The following ADH5 variants were observed in gnomAD, a reference collection of about 807,000 sequenced individuals.
ADH5 encodes the protein alcohol dehydrogenase 5 (class III), chi polypeptide.
In ADH5, 32 loss-of-function variants were observed where a neutral mutation model predicts 40.3. The observed-to-expected ratio is 0.79, with a 90% CI of 0.60 to 1.07. The LOEUF (loss-of-function observed/expected upper bound fraction) is 1.07, where lower values mean the gene tolerates loss of function less well. Among genes scored for constraint, ADH5 ranks in the 50% least tolerant of loss-of-function variants. The probability of loss-of-function intolerance (pLI) is 0.00; values close to 1 mark genes in which losing one functional copy is unlikely to be tolerated. For synonymous variants in ADH5, 125 were observed against 154.3 expected, an observed-to-expected ratio of 0.81 and a Z score of 1.41; for missense variants, 353 against 460.5, an observed-to-expected ratio of 0.77 and a Z score of 2.14.
chr4:99,073,916 G>C (rs1387935619), intron 7 of ADH5, among the ~76,000 whole-genome samples: 1 of 152,156 alleles, frequency 6.6e-6, no homozygotes, highest in Non-Finnish European at 1.5e-5. Flanking sequence ...CCCCCGAATA[G>C]CATACATGGC....
intron 6 of ADH5, chr4:99,075,943 A>C (rs1199325517): frequency 5.1e-6 from 1 of 196,002 alleles, no homozygotes; most frequent in African/African-American, 2.4e-5. Context: ...ACAGATGAGG[A>C]AACTGAGGTT....
Position 99,076,571 on chromosome 4 carries a change from T to C in ADH5, c.565-19A>G, listed in dbSNP as rs369064154. The C allele has an allele frequency of 2.2e-5, 36 of 1,608,708 alleles. No individual in the cohort carries two copies. Among genetic ancestry groups the C allele is most frequent in the Non-Finnish European group, 2.7e-5 (32 of 1,177,592 alleles). On this transcript the variant is annotated intron_variant, in intron 5 of 8. Transcript: ENST00000296412. ...GCTCCAACTAGGAGTAAAGAAAGTT[T>C]ATAAAGTACTCATTCTACCAGAGTC...
chr4:99,073,791 T>G (rs1293271028), intron 7 of ADH5, among the ~76,000 whole-genome samples: 1 of 152,200 alleles, frequency 6.6e-6, no homozygotes, highest in Admixed American at 6.5e-5. Flanking sequence ...TACAATGAAT[T>G]TCCCAACCAG....
Position 99,076,888 on chromosome 4 carries a change from G to A in ADH5, c.380C>T (p.Thr127Ile), listed in dbSNP as rs762798395. The change falls in exon 5 of 9, where the codon ACC (threonine) becomes ATC (isoleucine). Residue 127 changes from threonine (T) to isoleucine (I), a missense_variant. Physicochemically the swap from Thr to Ile is moderately conservative, Grantham distance 89. Coordinates refer to ENST00000296412, the MANE Select transcript of ADH5 (RefSeq NM_000671.4). ...TQGKGLMPDG[T>I]SRFTCKGKTI... ...CTTTCCTTTGCAAGTAAATCTGCTG[G>A]TACCATCTGGCATTAATCCTTTCCC... The A allele has an allele frequency of 1.9e-6, 3 of 1,613,548 alleles. No individual in the cohort carries two copies. Among genetic ancestry groups the A allele is most frequent in the Admixed American group, 3.3e-5 (2 of 59,976 alleles).
Position 99,072,557 on chromosome 4 carries a change from T to C in ADH5, c.1100+16A>G. Reference sequence around the variant, plus strand: ...CATCATTATTACATTCTATGATATATAAAGAGAAAGCCTACCTCTTTCCAG... The same window carrying C: ...CATCATTATTACATTCTATGATATACAAAGAGAAAGCCTACCTCTTTCCAG... On this transcript the variant is annotated intron_variant, in intron 8 of 8. Coordinates refer to ENST00000296412, the MANE Select transcript of ADH5 (RefSeq NM_000671.4). 6.2e-7 allele frequency: 1 copy of C among 1,609,564 alleles called. No individual in the cohort carries two copies. The highest frequency in any genetic ancestry group is 8.5e-7 in the Non-Finnish European group (1 of 1,178,338).
intron 7 of ADH5, among the ~76,000 whole-genome samples, chr4:99,073,854 C>T (rs542476406): frequency 1.1e-4 from 17 of 152,348 alleles, no homozygotes; most frequent in Admixed American, 3.3e-4. Flanking sequence ...TCCCCTGGAT[C>T]AGCCAGGCTT....
At chr4:99,078,467 C>T (rs1037380740) in intron 4 of ADH5, among the ~76,000 whole-genome samples, 1 of 152,112 alleles carries the variant, frequency 6.6e-6, no homozygotes, top group African/African-American at 2.4e-5. Flanking sequence ...TGCAGTGGCA[C>T]ATCATGGCTC....
chr4:99,087,637 G>A (rs576512465), intron 1 of ADH5, among the ~76,000 whole-genome samples: 130 of 152,174 alleles, frequency 8.5e-4, no homozygotes, highest in Non-Finnish European at 1.5e-3. Context: ...TTGATGGCCT[G>A]CTCCCCTTTA....
chr4:99,072,490 A>G, intron 8 of ADH5, 49 bp from the exon 9 acceptor site: 1 of 1,610,362 alleles, frequency 6.2e-7, no homozygotes, highest in South Asian at 1.1e-5. Flanking sequence ...CTTTAAGACA[A>G]CTAAAATTGT....
At chr4:99,085,329 C>A in intron 1 of ADH5, 113 bp from the exon 2 acceptor site, 1 of 448,764 alleles carries the variant, frequency 2.2e-6, no homozygotes. Flanking sequence ...CACAGATTCA[C>A]AAAGAAACAT....
intron 4 of ADH5, among the ~76,000 whole-genome samples, chr4:99,080,940 A>T (rs532705133): frequency 2.7e-4 from 41 of 152,362 alleles, no homozygotes; most frequent in African/African-American, 9.9e-4. Flanking sequence ...AAAGAGCTGG[A>T]GTCCTTTAAA....
chr4:99,078,168 T>G (rs1727963333), intron 4 of ADH5, among the ~76,000 whole-genome samples: 1 of 152,158 alleles, frequency 6.6e-6, no homozygotes, highest in Admixed American at 6.6e-5. Flanking sequence ...CAAGTGATCC[T>G]CCTGCATCTC....
intron 7 of ADH5, among the ~76,000 whole-genome samples, chr4:99,074,032 G>A (rs113660534): frequency 8.0e-4 from 122 of 152,290 alleles, no homozygotes; most frequent in African/African-American, 2.8e-3. Flanking sequence ...TAGTTATAAA[G>A]AACGAAGATT....
chr4:99,075,225 GTTTT>G (rs57354357), intron 6 of ADH5, 176 bp from the exon 7 acceptor site: 9 of 316,712 alleles, frequency 2.8e-5, no homozygotes, highest in Non-Finnish European at 3.7e-5. Context: ...TTTTTTTGTT[GTTTT>G]TTTTTTTTTT....
At chr4:99,086,465 G>A (rs1049651103) in intron 1 of ADH5, among the ~76,000 whole-genome samples, 4 of 152,162 alleles carry the variant, frequency 2.6e-5, no homozygotes, top group Non-Finnish European at 5.9e-5. Context: ...ATTACAAAGA[G>A]TGTGATTTAA....
intron 1 of ADH5, among the ~76,000 whole-genome samples, chr4:99,086,295 G>C (rs1215547841): frequency 2.6e-5 from 4 of 151,546 alleles, no homozygotes. Flanking sequence ...ATAGCACACA[G>C]ACCTGCTTTA....
At position 99,077,018 on chromosome 4, in the gene ADH5, T is replaced by C. The variant is rs183482304; in HGVS notation, c.345-95A>G. 322 of 896,226 alleles carry C rather than the reference T, an allele frequency of 3.6e-4. 2 individuals are homozygous for C. The African/African-American group carries it at 5.1e-3, about 14-fold the overall frequency. 55.5% of individuals were successfully genotyped at this position (896,226 alleles called of 1,614,324 possible). A position where few individuals can be genotyped will look rare whatever the true frequency, so the allele number is the denominator to read the frequency against. On this transcript the variant is annotated intron_variant, in intron 4 of 8. Transcript: ENST00000296412. ...TTTAAAAATAATGACCAGTAAATAT[T>C]AAGAAAGTGTTGTAAACTACAATTT... is the stretch of plus-strand genomic sequence containing the variant.
chr4:99,086,754 C>A (rs1728141799), intron 1 of ADH5, among the ~76,000 whole-genome samples: 1 of 150,454 alleles, frequency 6.6e-6, no homozygotes, highest in Non-Finnish European at 1.5e-5. Context: ...ACCATCCTGG[C>A]TAGGTGAAAC....
chr4:99,079,469 T>C (rs190942240), intron 4 of ADH5, among the ~76,000 whole-genome samples: 2 of 151,896 alleles, frequency 1.3e-5, no homozygotes, highest in African/African-American at 4.8e-5. Flanking sequence ...AAGAGGGAGG[T>C]AGGTTCTGAC....
Sources: gnomAD v4.1 joint callset for allele counts (sites outside exome capture counted in the v4.1 genomes callset) on GRCh38, gnomAD v4.1.1 for gene constraint, MANE v1.5 for transcripts, NCBI Gene and HGNC (gene_info 2026-07-23, HGNC 2026-07-21) for gene names.